Variants in AFAP1L2 observed in about 807,000 individuals in gnomAD.
AFAP1L2 encodes actin filament associated protein 1 like 2, also known as actin filament-associated protein 1-like 2.
Under a neutral mutation model 99.3 loss-of-function variants are expected in AFAP1L2, and 46 were observed. That is an observed-to-expected ratio of 0.46 (90% CI 0.37 to 0.59). AFAP1L2 has a LOEUF of 0.59. Ranked by LOEUF, AFAP1L2 falls within the 20% of genes least tolerant of loss-of-function variation. The pLI is 0.00. For missense variants in AFAP1L2, 959 were observed against 1,034.9 expected, an observed-to-expected ratio of 0.93 and a Z score of 1.01; for synonymous variants, 397 against 419.1, an observed-to-expected ratio of 0.95 and a Z score of 0.64.
At chr10:114,395,630 G>A (rs1193627742) in intron 1 of AFAP1L2, among the ~76,000 whole-genome samples, 1 of 152,088 alleles carries the variant, frequency 6.6e-6, no homozygotes, top group East Asian at 1.9e-4. Flanking sequence ...AAAAACGGGG[G>A]GTGGAGGATG....
chr10:114,392,318 A>G (rs2057252391), intron 1 of AFAP1L2, among the ~76,000 whole-genome samples: 1 of 152,196 alleles, frequency 6.6e-6, no homozygotes. Context: ...GAGCTCAGGA[A>G]TTTGAGACTG....
At chr10:114,329,573 T>TGG (rs1253385825) in intron 4 of AFAP1L2, among the ~76,000 whole-genome samples, 5 of 152,120 alleles carry the variant, frequency 3.3e-5, no homozygotes, top group Non-Finnish European at 7.4e-5. Context: ...CAGCCGTGGC[T>TGG]CAGAACAGCC....
In AFAP1L2 at chr10:114,301,432, A is replaced by G; in HGVS notation, c.1464T>C (p.Thr488=). The G allele has an allele frequency of 6.2e-7, 1 of 1,614,192 alleles. No homozygotes were observed. Among genetic ancestry groups the G allele is most frequent in the East Asian group, 2.2e-5 (1 of 44,880 alleles). ...LMQRKFSEPN[T]YIDGLPSQDR... ...CCTGGCTAGGCAGGCCATCGATGTA[A>G]GTGTTGGGCTCTGAGAACTTTCTCT... Residue 488 remains threonine (T), a synonymous_variant, in exon 13 of 19, where the codon ACT becomes ACC. Coordinates refer to ENST00000304129, the MANE Select transcript of AFAP1L2 (RefSeq NM_001001936.3).
At chr10:114,393,941 G>C (rs1240762340) in intron 1 of AFAP1L2, among the ~76,000 whole-genome samples, 2 of 152,236 alleles carry the variant, frequency 1.3e-5, no homozygotes, top group East Asian at 3.9e-4. Flanking sequence ...CTCCCCCTGG[G>C]AGGACACCAG....
intron 1 of AFAP1L2, among the ~76,000 whole-genome samples, chr10:114,357,379 C>G (rs1053989521): frequency 6.6e-6 from 1 of 152,178 alleles, no homozygotes; most frequent in Non-Finnish European, 1.5e-5. Flanking sequence ...CACACACACT[C>G]ATACTCACTC....
At chr10:114,403,982 T>G (rs986365390) in intron 1 of AFAP1L2, among the ~76,000 whole-genome samples, 2 of 152,144 alleles carry the variant, frequency 1.3e-5, no homozygotes, top group African/African-American at 2.4e-5. Flanking sequence ...CCCAAGCGCT[T>G]TGCCGGGAGC....
At chr10:114,378,346 C>T (rs768560855) in intron 1 of AFAP1L2, among the ~76,000 whole-genome samples, 2 of 152,190 alleles carry the variant, frequency 1.3e-5, no homozygotes, top group Non-Finnish European at 2.9e-5. Context: ...CTCTTTCCAG[C>T]TGACACACTT....
chr10:114,344,508 C>T (rs1411926543), intron 1 of AFAP1L2, among the ~76,000 whole-genome samples: 1 of 152,152 alleles, frequency 6.6e-6, no homozygotes, highest in African/African-American at 2.4e-5. Flanking sequence ...AAAAGCTGCC[C>T]AATTCCTGGA....
In AFAP1L2 at chr10:114,321,865, G is replaced by A. The variant is rs1230293564; in HGVS notation, c.406+1306C>T. Among the ~76,000 whole-genome samples, 6 of 152,270 alleles carry A rather than the reference G, an allele frequency of 3.9e-5. No individual in the cohort carries two copies. The South Asian group carries it at 6.2e-4, about 16-fold the overall frequency. On this transcript the variant is annotated intron_variant, in intron 5 of 18. Coordinates refer to ENST00000304129, the MANE Select transcript of AFAP1L2 (RefSeq NM_001001936.3). ...TAGCATGAGCCCTGCCTACAGAGCC[G>A]CTCACACAGTGTCCAGGGCGATCTT...
chr10:114,371,439 C>G (rs1440395007), intron 1 of AFAP1L2, among the ~76,000 whole-genome samples: 1 of 152,120 alleles, frequency 6.6e-6, no homozygotes, highest in Admixed American at 6.5e-5. Context: ...CAGGGCAAAG[C>G]CCCCTCATCA....
At chr10:114,376,095 G>C (rs1439570729) in intron 1 of AFAP1L2, among the ~76,000 whole-genome samples, 1 of 152,114 alleles carries the variant, frequency 6.6e-6, no homozygotes, top group South Asian at 2.1e-4. Context: ...AAATTTACAT[G>C]GCCAGTTGTA....
chr10:114,351,183 C>A (rs1245884598), intron 1 of AFAP1L2, among the ~76,000 whole-genome samples: 1 of 152,152 alleles, frequency 6.6e-6, no homozygotes, highest in Non-Finnish European at 1.5e-5. Context: ...CAGCAATTAT[C>A]TTTTGGTGGA....
chr10:114,304,949 A>C lies in AFAP1L2; in HGVS notation c.1073-19T>G. 1 of 1,413,904 alleles carries C rather than the reference A, an allele frequency of 7.1e-7. No homozygotes were observed. Among genetic ancestry groups the C allele is most frequent in the Admixed American group, 1.9e-5 (1 of 52,974 alleles). 87.6% of individuals were successfully genotyped at this position (1,413,904 alleles called of 1,614,324 possible). ...AGGTAACCTGCAGGAGGAAGTGCAGATGCAGGAGGGGACAGGGCTGCAGGA... is the reference window on the plus strand; with the variant it reads ...AGGTAACCTGCAGGAGGAAGTGCAGCTGCAGGAGGGGACAGGGCTGCAGGA... On this transcript the variant is annotated intron_variant, in intron 10 of 18. Coordinates refer to ENST00000304129, the MANE Select transcript of AFAP1L2 (RefSeq NM_001001936.3).
the AFAP1L2 span, among the ~76,000 whole-genome samples, chr10:114,283,477 C>A: frequency 6.6e-6 from 1 of 152,202 alleles, no homozygotes; most frequent in South Asian, 2.1e-4. Context: ...TCCAGCACCA[C>A]GGCCTCTGAA....
At chr10:114,380,837 G>T (rs2137396846) in intron 1 of AFAP1L2, among the ~76,000 whole-genome samples, 1 of 152,338 alleles carries the variant, frequency 6.6e-6, no homozygotes. Context: ...TGGTTCAAAA[G>T]TTTTAAACAT....
chr10:114,394,811 C>A (rs988687512), intron 1 of AFAP1L2, among the ~76,000 whole-genome samples: 1 of 152,068 alleles, frequency 6.6e-6, no homozygotes, highest in Non-Finnish European at 1.5e-5. Context: ...CGACTTGAAC[C>A]AGAGACAAGC....
At chr10:114,394,318 C>T (rs547663991) in intron 1 of AFAP1L2, among the ~76,000 whole-genome samples, 1 of 152,280 alleles carries the variant, frequency 6.6e-6, no homozygotes, top group African/African-American at 2.4e-5. Context: ...GAGTAAGATA[C>T]TGAGAATAAG....
chr10:114,282,374 A>C, the AFAP1L2 span: 1 of 680,238 alleles, frequency 1.5e-6, no homozygotes, highest in Admixed American at 2.2e-5. Context: ...GTTAGGGTAG[A>C]ATCAAGAAAC....
chr10:114,324,759 T>C (rs1443739511), intron 4 of AFAP1L2, among the ~76,000 whole-genome samples: 1 of 151,466 alleles, frequency 6.6e-6, no homozygotes, highest in Non-Finnish European at 1.5e-5. Context: ...TAGGGGGAGA[T>C]GATGGAAGCA....
Sources: allele counts gnomAD v4.1 joint callset (sites outside exome capture counted in the v4.1 genomes callset), GRCh38; gene constraint gnomAD v4.1.1; transcripts MANE v1.5; gene names NCBI Gene and HGNC (gene_info 2026-07-23, HGNC 2026-07-21).